The following SLC12A4 variants were observed in gnomAD, a reference collection of about 807,000 sequenced individuals.
The protein encoded by SLC12A4 is solute carrier family 12 member 4, also known as electroneutral potassium-chloride cotransporter 1.
Under a neutral mutation model 119.2 loss-of-function variants are expected in SLC12A4, and 84 were observed. That is an observed-to-expected ratio of 0.70 (90% CI 0.59 to 0.85). The LOEUF (loss-of-function observed/expected upper bound fraction) is 0.85. Among genes scored for constraint, SLC12A4 ranks in the 40% least tolerant of loss-of-function variants. The pLI is 0.00. For synonymous variants in SLC12A4, 599 were observed against 604.6 expected (o/e 0.99, Z 0.14); for missense variants, 1,298 against 1,476.3 (o/e 0.88, Z 1.98).
rs566620410 is a variant in SLC12A4 at position 67,963,977 on chromosome 16, G to A, written c.116-418C>T. The A allele has an allele frequency of 1.2e-4, 183 of 1,551,444 alleles. 3 individuals carry two copies. In the South Asian group the frequency reaches 2.0e-3, roughly 17 times the overall value. ...GTTCGGTGTCCTCAGGGACCGCCCA[G>A]GCAGTGCCCTCCAGATAGACGAAGC... On this transcript the variant is annotated intron_variant, in intron 1 of 23. Transcript: ENST00000316341.
intron 3 of SLC12A4, 55 bp downstream of exon 3, chr16:67,961,520 T>A (rs943477844): frequency 2.2e-5 from 35 of 1,592,308 alleles, no homozygotes; most frequent in Non-Finnish European, 2.9e-5. Flanking sequence ...GTCAATTCCA[T>A]GGTGCTGTGT....
intron 15 of SLC12A4, 51 bp from the exon 16 acceptor site, chr16:67,947,486 T>C (rs771626799): frequency 3.7e-5 from 58 of 1,573,842 alleles, no homozygotes; most frequent in Non-Finnish European, 5.0e-5. Flanking sequence ...CAGGGGGTTC[T>C]GTCTATGTGG....
In SLC12A4 at chr16:67,952,378, A is replaced by G; in HGVS notation, c.723T>C (p.His241=). The G allele has an allele frequency of 6.2e-7, 1 of 1,614,194 alleles. No individual in the cohort carries two copies. Among genetic ancestry groups the G allele is most frequent in the African/African-American group, 1.3e-5 (1 of 75,066 alleles). Residue 241 remains histidine, a synonymous_variant, in exon 7 of 24, where the codon CAT becomes CAC. Transcript: ENST00000316341. ...TGTTCAAAGTGGCATTCGACGTGTC[A>G]TGAGCACCCGATGGGTAAAAAATGG... ...PAAIFYPSGA[H]DTSNATLNNM...
Position 67,943,784 on chromosome 16 carries a change from A to G in SLC12A4, c.*1056T>C, listed in dbSNP as rs566469303. 8.6e-5 allele frequency: 57 copies of G among 666,640 alleles called. No individual in the cohort carries two copies. In the South Asian group the frequency reaches 1.2e-3, roughly 14 times the overall value. The allele number at this position is 666,640 out of a possible 1,614,324, so 41.3% of individuals were successfully genotyped here. A position where few individuals can be genotyped will look rare whatever the true frequency, so the allele number is the denominator to read the frequency against. ...ACAGTGTGGTGGGAGAAGGGACGTCATTCCTCTAAGGGACAAGCTTTTGGC... is the reference window on the plus strand; with the variant it reads ...ACAGTGTGGTGGGAGAAGGGACGTCGTTCCTCTAAGGGACAAGCTTTTGGC... On this transcript the variant is annotated 3_prime_UTR_variant, in exon 24 of 24. Transcript: ENST00000316341. The surrounding 1 kb of genome is among the most constrained non-coding windows in gnomAD (Gnocchi z 4.6).
rs1437986570 is a variant in SLC12A4, at chr16:67,950,040, C to T, written c.1630-122G>A. 2 of 790,980 alleles carry T rather than the reference C, an allele frequency of 2.5e-6. No individual in the cohort carries two copies. Among genetic ancestry groups the T allele is most frequent in the Non-Finnish European group, 4.2e-6 (2 of 473,438 alleles). The allele number at this position is 790,980 out of a possible 1,614,324, so 49.0% of individuals were successfully genotyped here. A position where few individuals can be genotyped will look rare whatever the true frequency, so the allele number is the denominator to read the frequency against. On this transcript the variant is annotated intron_variant, in intron 12 of 23. Transcript: ENST00000316341. The surrounding 1 kb of genome is among the most constrained non-coding windows in gnomAD (Gnocchi z 4.3). ...TTGGGGGCTCAGGCCGCCCCTGTGTCTATCCCTATGGGTGTCACCAGTCTC... is the reference window on the plus strand; with the variant it reads ...TTGGGGGCTCAGGCCGCCCCTGTGTTTATCCCTATGGGTGTCACCAGTCTC...
chr16:67,945,359 C>T lies in SLC12A4; in HGVS notation c.3032+10G>A, dbSNP rs752088142. 6.2e-7 allele frequency: 1 copy of T among 1,608,926 alleles called. No homozygotes were observed. The highest frequency in any genetic ancestry group is 8.5e-7 in the Non-Finnish European group (1 of 1,176,718). On this transcript the variant is annotated intron_variant, in intron 22 of 23. Coordinates refer to ENST00000316341, the MANE Select transcript of SLC12A4 (RefSeq NM_005072.5). ...TCCAGTGCCGCTGGGGCTGTTTTTG[C>T]TGCACTCACGGCTTAATGTGCACCA...
chr16:67,957,094 C>G (rs1236616101), intron 5 of SLC12A4, among the ~76,000 whole-genome samples: 1 of 151,816 alleles, frequency 6.6e-6, no homozygotes, highest in African/African-American at 2.4e-5. Context: ...ACCTCTGCCT[C>G]CTGGGTTCAA....
intron 15 of SLC12A4, 116 bp downstream of exon 15, chr16:67,947,553 C>T: frequency 6.7e-7 from 1 of 1,498,500 alleles, no homozygotes; most frequent in African/African-American, 1.4e-5. Flanking sequence ...GAGTTACAGT[C>T]CCCAGTCCTG....
chr16:67,968,681 G>A (rs781630101), upstream of SLC12A4: 57 of 1,260,336 alleles, frequency 4.5e-5, no homozygotes, highest in African/African-American at 6.3e-5. Flanking sequence ...CACTTCCTCC[G>A]CCCGCCCCCC....
intron 5 of SLC12A4, among the ~76,000 whole-genome samples, chr16:67,955,741 T>C (rs2030222560): frequency 6.6e-6 from 1 of 151,838 alleles, no homozygotes; most frequent in South Asian, 2.1e-4. Context: ...TAGCTAGGCG[T>C]GGCGGTGTGC....
At chr16:67,961,847 A>G (rs1428951476) in intron 2 of SLC12A4, 141 bp from the exon 3 acceptor site, 3 of 1,123,780 alleles carry the variant, frequency 2.7e-6, no homozygotes, top group Non-Finnish European at 3.8e-6. Context: ...GGGAAGTCCA[A>G]GCCATCCAAC....
chr16:67,944,348 T>C lies in SLC12A4; in HGVS notation c.*492A>G. ...GGAGGCCCAGAACTACACAATGTTT[T>C]ATTGAAAAAGTCAGGCCTCAGCTCA... On this transcript the variant is annotated 3_prime_UTR_variant, in exon 24 of 24. Transcript: ENST00000316341. This position sits in a 1 kb window ranked among gnomAD's most constrained non-coding sequence, Gnocchi z 6.6. 1 of 1,363,534 alleles carries C rather than the reference T, an allele frequency of 7.3e-7. No individual in the cohort carries two copies. The highest frequency in any genetic ancestry group is 9.4e-7 in the Non-Finnish European group (1 of 1,059,332). The allele number at this position is 1,363,534 out of a possible 1,614,324, so 84.5% of individuals were successfully genotyped here. A position where few individuals can be genotyped will look rare whatever the true frequency, so the allele number is the denominator to read the frequency against.
Position 67,968,485 on chromosome 16 carries a change from G to T in SLC12A4, c.69C>A (p.Leu23=). 1 of 1,587,828 alleles carries T rather than the reference G, an allele frequency of 6.3e-7. No individual in the cohort carries two copies. ...CGCGCTCCCCGTAGTCCACCCAACT[G>T]AGCCCCTCGAGGTTGTCATAGTCGC... ...RRGDYDNLEG[L]SWVDYGERAE... is the part of the protein sequence containing the mutation. Residue 23 remains leucine, a synonymous_variant, in exon 1 of 24, where the codon CTC becomes CTA. Transcript: ENST00000316341.
rs1222905284 is a variant in SLC12A4 at position 67,947,157 on chromosome 16, A to C, written c.2073-52T>G. On this transcript the variant is annotated intron_variant, in intron 16 of 23. Transcript: ENST00000316341. ...GAGACCAGGGCCGGCCGTTCTAGGG[A>C]GCCCCTCCTCTTCTTCCCTTCTCGG... 4 of 1,537,714 alleles carry C rather than the reference A, an allele frequency of 2.6e-6. No homozygotes were observed. In the African/African-American group the frequency reaches 5.5e-5, roughly 21 times the overall value.
intron 6 of SLC12A4, among the ~76,000 whole-genome samples, chr16:67,952,704 G>T (rs574148184): frequency 6.6e-6 from 1 of 151,160 alleles, no homozygotes; most frequent in Non-Finnish European, 1.5e-5. Context: ...CAGGAGGATC[G>T]CCTGAATCCA....
chr16:67,949,229 C>T lies in SLC12A4; in HGVS notation c.1748+571G>A, dbSNP rs1418139976. Among the ~76,000 whole-genome samples the T allele has an allele frequency of 2.6e-5, 4 of 152,174 alleles. No homozygotes were observed. The highest frequency in any genetic ancestry group is 7.2e-5 in the African/African-American group (3 of 41,442). ...CTTTGGGAGGCCGAGCCAGGTGGAT[C>T]ATCTGACGTCAGGAGTTCGACACCA... On this transcript the variant is annotated intron_variant, in intron 13 of 23. Transcript: ENST00000316341. This position sits in a 1 kb window ranked among gnomAD's most constrained non-coding sequence, Gnocchi z 4.6.
In SLC12A4 at chr16:67,949,693, C is replaced by G. The variant is rs1455279292; in HGVS notation, c.1748+107G>C. The G allele has an allele frequency of 1.4e-6, 1 of 738,086 alleles. No individual in the cohort carries two copies. The highest frequency in any genetic ancestry group is 2.2e-6 in the Non-Finnish European group (1 of 450,518). The allele number at this position is 738,086 out of a possible 1,614,324, so 45.7% of individuals were successfully genotyped here. A position where few individuals can be genotyped will look rare whatever the true frequency, so the allele number is the denominator to read the frequency against. ...GTCAGGCCACATCTCCCCATGCAGC[C>G]TGCCACATCTCCCAGCTGGACCTCC... On this transcript the variant is annotated intron_variant, in intron 13 of 23. Coordinates refer to ENST00000316341, the MANE Select transcript of SLC12A4 (RefSeq NM_005072.5). This position sits in a 1 kb window ranked among gnomAD's most constrained non-coding sequence, Gnocchi z 4.6.
chr16:67,947,966 G>A, intron 14 of SLC12A4, 95 bp downstream of exon 14: 1 of 1,489,770 alleles, frequency 6.7e-7, no homozygotes, highest in Non-Finnish European at 9.4e-7. Flanking sequence ...CCTCCCCACA[G>A]TGTTTCAAGA....
In SLC12A4 at chr16:67,961,837, G is replaced by A. The variant is rs947192037; in HGVS notation, c.211-131C>T. ...TGGGCCTGATCCCAGTTCCTACCTG[G>A]GGAAGTCCAAGCCATCCAACTGGAC... is the stretch of plus-strand genomic sequence containing the variant. On this transcript the variant is annotated intron_variant, in intron 2 of 23. Coordinates refer to ENST00000316341, the MANE Select transcript of SLC12A4 (RefSeq NM_005072.5). 43 of 1,239,984 alleles carry A rather than the reference G, an allele frequency of 3.5e-5. No homozygotes were observed. The East Asian group carries it at 9.6e-4, about 28-fold the overall frequency. 76.8% of individuals were successfully genotyped at this position (1,239,984 alleles called of 1,614,324 possible). A position where few individuals can be genotyped will look rare whatever the true frequency, so the allele number is the denominator to read the frequency against.
Sources: gnomAD v4.1 joint callset for allele counts (sites outside exome capture counted in the v4.1 genomes callset) on GRCh38, gnomAD v4.1.1 for gene constraint, Gnocchi (gnomAD v3.1) non-coding constraint, MANE v1.5 for transcripts, NCBI Gene and HGNC (gene_info 2026-07-23, HGNC 2026-07-21) for gene names.